The following MYT1L variants were observed in gnomAD, a reference collection of about 807,000 sequenced individuals.
MYT1L encodes myelin transcription factor 1 like.
MYT1L carries 12 observed loss-of-function variants against 126.7 expected under a neutral mutation model. The ratio of observed to expected loss-of-function variants is 0.09; its 90% CI spans 0.06 to 0.15. The LOEUF is 0.15. MYT1L is among the 10% of genes least tolerant of loss of function. The probability of loss-of-function intolerance (pLI) is 1.00; values close to 1 mark genes in which losing one functional copy is unlikely to be tolerated. For synonymous variants in MYT1L, 541 were observed against 604.2 expected (o/e 0.90, Z 1.53); for missense variants, 979 against 1,585.2 (o/e 0.62, Z 6.49).
intron 21 of MYT1L, chr2:1,828,318 T>C (rs915483132): frequency 6.6e-6 from 1 of 152,016 alleles, no homozygotes; most frequent in African/African-American, 2.4e-5. Flanking sequence ...GTAGGTGACA[T>C]CTTGGGGCAG....
intron 3 of MYT1L, among the ~76,000 whole-genome samples, chr2:2,167,223 C>T (rs1407661978): frequency 6.6e-6 from 1 of 152,130 alleles, no homozygotes; most frequent in Non-Finnish European, 1.5e-5. Flanking sequence ...CATATGAAAC[C>T]CCCAGGTTTT....
At chr2:2,139,691 C>A (rs1030856788) in intron 3 of MYT1L, among the ~76,000 whole-genome samples, 1 of 151,512 alleles carries the variant, frequency 6.6e-6, no homozygotes, top group African/African-American at 2.4e-5. Flanking sequence ...TGTCCAGGCA[C>A]CGGGAGACGT....
intron 8 of MYT1L, among the ~76,000 whole-genome samples, chr2:1,964,350 G>A (rs906369592): frequency 6.6e-6 from 1 of 152,208 alleles, no homozygotes; most frequent in African/African-American, 2.4e-5. Flanking sequence ...TTGAAATATT[G>A]CGAGAATTAT....
At chr2:2,180,728 G>C (rs1459989719) in intron 2 of MYT1L, among the ~76,000 whole-genome samples, 1 of 150,778 alleles carries the variant, frequency 6.6e-6, no homozygotes, top group Non-Finnish European at 1.5e-5. Flanking sequence ...CTGTGTGCCT[G>C]CATGTGTGCC....
intron 18 of MYT1L, among the ~76,000 whole-genome samples, chr2:1,871,207 G>A (rs1325066189): frequency 6.6e-6 from 1 of 152,250 alleles, no homozygotes; most frequent in East Asian, 1.9e-4. Flanking sequence ...CATGTCTAAA[G>A]TAAAACCTCT....
rs1358435347 is a variant in MYT1L at position 1,919,735 on chromosome 2, A to C, written c.1484-2396T>G. Among the ~76,000 whole-genome samples, 401 of 152,176 alleles carry C rather than the reference A, an allele frequency of 2.6e-3. 3 individuals carry two copies. Among genetic ancestry groups the C allele is most frequent in the Non-Finnish European group, 4.8e-3 (324 of 68,014 alleles). ...TTTTAATTTAATTTAATTTAATATTATTTTATTTTTTGAGACGGAGTCTCG... is the reference window on the plus strand; with the variant it reads ...TTTTAATTTAATTTAATTTAATATTCTTTTATTTTTTGAGACGGAGTCTCG... On this transcript the variant is annotated intron_variant, in intron 10 of 24. Transcript: ENST00000647738.
intron 2 of MYT1L, among the ~76,000 whole-genome samples, chr2:2,223,871 A>G (rs1348320367): frequency 2.0e-5 from 3 of 152,228 alleles, no homozygotes; most frequent in Non-Finnish European, 4.4e-5. Flanking sequence ...TTTCCTGTGA[A>G]AATGGACCTC....
chr2:1,858,864 C>G (rs2044233071), intron 18 of MYT1L, among the ~76,000 whole-genome samples: 1 of 152,254 alleles, frequency 6.6e-6, no homozygotes, highest in Admixed American at 6.5e-5. Context: ...GCTACCTTCT[C>G]CCGGGTGGAG....
At position 2,024,776 on chromosome 2, in the gene MYT1L, G is replaced by A. The variant is rs377057859; in HGVS notation, c.-157-27429C>T. ...AGTCCACCAATTCTGACTTCCTCCT[G>A]TTGTCAATATCATCAAGGTGTTCTC... On this transcript the variant is annotated intron_variant, in intron 4 of 24. Coordinates refer to ENST00000647738, the MANE Select transcript of MYT1L (RefSeq NM_001303052.2). 9.0e-4 allele frequency among the ~76,000 whole-genome samples: 137 copies of A among 152,178 alleles called. 3 individuals are homozygous for A. Among genetic ancestry groups the A allele is most frequent in the Non-Finnish European group, 1.8e-4 (12 of 68,032 alleles).
Position 1,791,843 on chromosome 2 carries a change from G to C in MYT1L, c.*24C>G, listed in dbSNP as rs370800836. On this transcript the variant is annotated 3_prime_UTR_variant, in exon 25 of 25. Transcript: ENST00000647738. This position sits in a 1 kb window ranked among gnomAD's most constrained non-coding sequence, Gnocchi z 6.0. Reference sequence around the variant, plus strand: ...AACAAGAGGCATCCTTTTTAAGCAAGAGTTTCATCACTACAGCAGCTGTTC... The same window carrying C: ...AACAAGAGGCATCCTTTTTAAGCAACAGTTTCATCACTACAGCAGCTGTTC... 104 of 1,529,862 alleles carry C rather than the reference G, an allele frequency of 6.8e-5. No individual in the cohort carries two copies. Among genetic ancestry groups the C allele is most frequent in the Non-Finnish European group, 8.9e-5 (102 of 1,143,718 alleles). The allele number at this position is 1,529,862 out of a possible 1,614,324, so 94.8% of individuals were successfully genotyped here.
At chr2:2,001,284 T>C (rs1369958738) in intron 4 of MYT1L, among the ~76,000 whole-genome samples, 5 of 150,904 alleles carry the variant, frequency 3.3e-5, no homozygotes, top group Non-Finnish European at 5.9e-5. Flanking sequence ...CTTCTCCATG[T>C]TCTGGAAGGT....
chr2:1,851,997 C>T (rs960554945), intron 18 of MYT1L, among the ~76,000 whole-genome samples: 4 of 152,170 alleles, frequency 2.6e-5, no homozygotes, highest in Non-Finnish European at 4.4e-5. Flanking sequence ...TCCTAACAGC[C>T]CGCCTTTCCT....
chr2:2,243,973 A>G (rs1369751124), intron 2 of MYT1L, among the ~76,000 whole-genome samples: 16 of 152,216 alleles, frequency 1.1e-4, no homozygotes. Context: ...ACTGACAGGA[A>G]AGTTTTTGAA....
intron 9 of MYT1L, among the ~76,000 whole-genome samples, chr2:1,932,534 C>A (rs974283727): frequency 6.6e-6 from 1 of 152,204 alleles, no homozygotes; most frequent in African/African-American, 2.4e-5. Context: ...GTAGTCATGG[C>A]TGTTCCATTG....
At position 2,224,165 on chromosome 2, in the gene MYT1L, A is replaced by C. The variant is rs970651240; in HGVS notation, c.-420-51177T>G. 6.6e-6 allele frequency among the ~76,000 whole-genome samples: 1 copy of C among 152,188 alleles called. No homozygotes were observed. The highest frequency in any genetic ancestry group is 6.5e-5 in the Admixed American group (1 of 15,282). ...CCCACTTCCAGTGAGCCTTTGGTCA[A>C]TTTGTATGTGAACAGGATCTTCTGC... On this transcript the variant is annotated intron_variant, in intron 2 of 24. Transcript: ENST00000647738. This position sits in a 1 kb window ranked among gnomAD's most constrained non-coding sequence, Gnocchi z 4.0.
At chr2:2,269,072 G>GT (rs2149330736) in intron 2 of MYT1L, among the ~76,000 whole-genome samples, 1 of 152,248 alleles carries the variant, frequency 6.6e-6, no homozygotes, top group South Asian at 2.1e-4. Context: ...TGTGTGTGGG[G>GT]TGCACCCAGG....
rs1164942968 is a variant in MYT1L, at chr2:1,789,645, A to G, written c.*2222T>C. The G allele has an allele frequency of 6.6e-6, 1 of 152,216 alleles. No individual in the cohort carries two copies. The allele number at this position is 152,216 out of a possible 1,614,324, so 9.4% of individuals were successfully genotyped here. On this transcript the variant is annotated 3_prime_UTR_variant, in exon 25 of 25. Transcript: ENST00000647738. The stretch of plus-strand genomic sequence containing the variant: ...TACTAAAAGCATTACTATATTGGCA[A>G]AGAAGCTGCAGACACAACGCGGTGG...
At chr2:1,846,470 A>T (rs2042506170) in intron 19 of MYT1L, among the ~76,000 whole-genome samples, 1 of 152,160 alleles carries the variant, frequency 6.6e-6, no homozygotes, top group South Asian at 2.1e-4. Flanking sequence ...AAACGCTGTA[A>T]GGGAGAGCTC....
rs1008453548 is a variant in MYT1L at position 1,847,691 on chromosome 2, C to G, written c.2774+3950G>C. 5.3e-5 allele frequency among the ~76,000 whole-genome samples: 8 copies of G among 152,128 alleles called. 1 individual carries two copies. Among genetic ancestry groups the G allele is most frequent in the African/African-American group, 1.9e-4 (8 of 41,422 alleles). Reference sequence around the variant, plus strand: ...AAGAAACAGTCTGTTAGTTTGAAAACAAGAGTATAAAGAGGAGCCCCATGG... The same window carrying G: ...AAGAAACAGTCTGTTAGTTTGAAAAGAAGAGTATAAAGAGGAGCCCCATGG... On this transcript the variant is annotated intron_variant, in intron 19 of 24. Coordinates refer to ENST00000647738, the MANE Select transcript of MYT1L (RefSeq NM_001303052.2).
Sources: allele counts gnomAD v4.1 joint callset (sites outside exome capture counted in the v4.1 genomes callset), GRCh38; gene constraint gnomAD v4.1.1; non-coding constraint Gnocchi (gnomAD v3.1); transcripts MANE v1.5; gene names NCBI Gene and HGNC (gene_info 2026-07-23, HGNC 2026-07-21).